The following NPAS3 variants were observed in gnomAD, a reference collection of about 807,000 sequenced individuals.
NPAS3 encodes the protein neuronal PAS domain-containing protein 3.
Under a neutral mutation model 73.1 loss-of-function variants are expected in NPAS3, and 14 were observed. That is an observed-to-expected ratio of 0.19 (90% CI 0.13 to 0.30). The LOEUF (loss-of-function observed/expected upper bound fraction) is 0.30. NPAS3 is among the 10% of genes least tolerant of loss of function. NPAS3 has a pLI of 1.00. For synonymous variants in NPAS3, 620 were observed against 541.5 expected (o/e 1.14, Z -2.01); for missense variants, 1,096 against 1,250.0 (o/e 0.88, Z 1.86).
chr14:33,178,225 C>T (rs1157737483), intron 2 of NPAS3, among the ~76,000 whole-genome samples: 1 of 151,932 alleles, frequency 6.6e-6, no homozygotes, highest in Admixed American at 6.6e-5. Flanking sequence ...CAGGTGCACA[C>T]CACCACACCC....
At chr14:32,978,115 G>GA (rs2139376043) in intron 1 of NPAS3, among the ~76,000 whole-genome samples, 1 of 152,210 alleles carries the variant, frequency 6.6e-6, no homozygotes, top group East Asian at 1.9e-4. Context: ...GAAGATGTGG[G>GA]GGGGTGAGAA....
rs147277858 is a variant in NPAS3, at chr14:33,771,981, G to A, written c.853-2356G>A. On this transcript the variant is annotated intron_variant, in intron 7 of 11. Coordinates refer to ENST00000356141, the Ensembl canonical transcript of NPAS3. ...GACTTTGGACAGGGATGAGCCTTCTGGAGCCTCCTTCTTCACCTGAAAATA... is the reference window on the plus strand; with the variant it reads ...GACTTTGGACAGGGATGAGCCTTCTAGAGCCTCCTTCTTCACCTGAAAATA... Among the ~76,000 whole-genome samples, 1,458 of 152,212 alleles carry A rather than the reference G, an allele frequency of 9.6e-3. 24 individuals carry two copies. Among genetic ancestry groups the A allele is most frequent in the African/African-American group, 0.033 (1,386 of 41,518 alleles).
At chr14:33,780,836 T>C (rs1475862122) in intron 9 of NPAS3, 2 of 273,056 alleles carry the variant, frequency 7.3e-6, no homozygotes, top group Non-Finnish European at 1.5e-5. Context: ...TTCTGGTATC[T>C]TGCCAACTAA....
intron 4 of NPAS3, among the ~76,000 whole-genome samples, chr14:33,396,881 G>A (rs552550220): frequency 2.0e-5 from 3 of 152,212 alleles, no homozygotes; most frequent in South Asian, 2.1e-4. Flanking sequence ...ATGCACAAAT[G>A]CTTTATTTAT....
intron 5 of NPAS3, among the ~76,000 whole-genome samples, chr14:33,591,512 A>C (rs1248315204): frequency 6.6e-6 from 1 of 152,328 alleles, no homozygotes; most frequent in African/African-American, 2.4e-5. Flanking sequence ...ACTGACTACC[A>C]TCCAACCCCT....
At chr14:33,419,362 A>C (rs1464238388) in intron 4 of NPAS3, among the ~76,000 whole-genome samples, 1 of 151,892 alleles carries the variant, frequency 6.6e-6, no homozygotes, top group African/African-American at 2.4e-5. Context: ...TATACCTATA[A>C]ATTATGTATA....
intron 3 of NPAS3, among the ~76,000 whole-genome samples, chr14:33,341,619 G>C (rs1278377899): frequency 3.3e-5 from 5 of 151,986 alleles, no homozygotes; most frequent in African/African-American, 4.8e-5. Context: ...TTCCTCACAG[G>C]CTTATTGGGT....
chr14:33,082,241 G>T (rs1595401147), intron 2 of NPAS3, among the ~76,000 whole-genome samples: 1 of 152,086 alleles, frequency 6.6e-6, no homozygotes, highest in Admixed American at 6.6e-5. Context: ...TGGTTTGTTT[G>T]CCATAGAAAC....
chr14:33,211,416 C>T (rs542327272), intron 2 of NPAS3, among the ~76,000 whole-genome samples: 30 of 152,164 alleles, frequency 2.0e-4, no homozygotes, highest in East Asian at 1.2e-3. Context: ...TAGCTGAGCA[C>T]GGTGGTGCAT....
In NPAS3 at chr14:33,289,362, A is replaced by C. The variant is rs141456511; in HGVS notation, c.385+73936A>C. Among the ~76,000 whole-genome samples, 40 of 152,282 alleles carry C rather than the reference A, an allele frequency of 2.6e-4. 1 individual carries two copies. The East Asian group carries it at 6.6e-3, about 25-fold the overall frequency. The stretch of plus-strand genomic sequence containing the variant: ...GTATGTGGTATCACACACACATATA[A>C]AATTTGTTATCTTCTCCAGCCCTGC... On this transcript the variant is annotated intron_variant, in intron 3 of 11. Transcript: ENST00000356141.
intron 3 of NPAS3, among the ~76,000 whole-genome samples, chr14:33,216,014 G>T (rs557825761): frequency 6.6e-6 from 1 of 152,120 alleles, no homozygotes; most frequent in African/African-American, 2.4e-5. Context: ...TTAAATGTTA[G>T]GTCTTTCTCA....
At chr14:33,428,657 C>G (rs2048654477) in intron 4 of NPAS3, among the ~76,000 whole-genome samples, 1 of 152,120 alleles carries the variant, frequency 6.6e-6, no homozygotes, top group African/African-American at 2.4e-5. Flanking sequence ...GGTGTTTAGA[C>G]TCACACTGAG....
intron 4 of NPAS3, among the ~76,000 whole-genome samples, chr14:33,546,677 G>A (rs1384814598): frequency 6.6e-6 from 1 of 152,124 alleles, no homozygotes; most frequent in African/African-American, 2.4e-5. Flanking sequence ...ATCACTAGGG[G>A]CCCCAATATA....
intron 2 of NPAS3, among the ~76,000 whole-genome samples, chr14:33,118,013 AG>A (rs1452729212): frequency 1.3e-5 from 2 of 152,076 alleles, no homozygotes; most frequent in African/African-American, 4.8e-5. Context: ...TATTTCATCA[AG>A]GTCAATGTTC....
At chr14:33,707,573 A>T (rs1307577480) in intron 6 of NPAS3, among the ~76,000 whole-genome samples, 1 of 152,242 alleles carries the variant, frequency 6.6e-6, no homozygotes, top group Non-Finnish European at 1.5e-5. Context: ...ATAGGCGAGA[A>T]ATAAAAACCT....
chr14:33,343,308 C>G (rs1159971176), intron 3 of NPAS3, among the ~76,000 whole-genome samples: 1 of 152,028 alleles, frequency 6.6e-6, no homozygotes, highest in Non-Finnish European at 1.5e-5. Context: ...TTTTTCTCAT[C>G]GTCCCCAACA....
chr14:33,665,811 T>C (rs1270524399), intron 5 of NPAS3, among the ~76,000 whole-genome samples: 1 of 152,120 alleles, frequency 6.6e-6, no homozygotes, highest in Non-Finnish European at 1.5e-5. Flanking sequence ...AATTAATTAA[T>C]TAATTAAAAT....
chr14:33,145,580 A>G (rs2044210139), intron 2 of NPAS3, among the ~76,000 whole-genome samples: 1 of 152,116 alleles, frequency 6.6e-6, no homozygotes, highest in East Asian at 1.9e-4. Context: ...TAATCCTCTC[A>G]TCATTTTCAG....
chr14:33,703,705 A>G lies in NPAS3; in HGVS notation c.733+27320A>G, dbSNP rs535352948. ...AACAACAATAATAATAGCAACAAAT[A>G]GGGAGAACTTCCTATGTGCCAGGCC... On this transcript the variant is annotated intron_variant, in intron 6 of 11. Coordinates refer to ENST00000356141, the Ensembl canonical transcript of NPAS3. Among the ~76,000 whole-genome samples, 10 of 152,326 alleles carry G rather than the reference A, an allele frequency of 6.6e-5. No homozygotes were observed. In the East Asian group the frequency reaches 1.9e-3, roughly 29 times the overall value.
Sources: allele counts gnomAD v4.1 joint callset (sites outside exome capture counted in the v4.1 genomes callset), GRCh38; gene constraint gnomAD v4.1.1; transcripts MANE v1.5; gene names NCBI Gene and HGNC (gene_info 2026-07-23, HGNC 2026-07-21).